SLC6A3: variants seen among roughly 807,000 people sequenced by gnomAD.
SLC6A3 encodes sodium-dependent dopamine transporter.
A neutral mutation model predicts 70.4 loss-of-function variants in SLC6A3; 19 were observed. The observed-to-expected ratio is 0.27, with a 90% CI of 0.19 to 0.40. The LOEUF is 0.40. SLC6A3 is among the 10% of genes least tolerant of loss of function. The pLI is 1.00. For missense variants in SLC6A3, 613 were observed against 838.5 expected (o/e 0.73, Z 3.32); for synonymous variants, 368 against 356.6 (o/e 1.03, Z -0.36).
chr5:1,425,709 A>C (rs1180378689), intron 4 of SLC6A3, among the ~76,000 whole-genome samples: 1 of 152,244 alleles, frequency 6.6e-6, no homozygotes, highest in Non-Finnish European at 1.5e-5. Context: ...TGCTATCAAC[A>C]GAGTAAAAAG....
intron 6 of SLC6A3, among the ~76,000 whole-genome samples, chr5:1,416,818 C>T (rs1295017712): frequency 6.6e-6 from 1 of 151,956 alleles, no homozygotes; most frequent in Admixed American, 6.5e-5. Flanking sequence ...ATGACCGCAG[C>T]GTCCTAATAG....
chr5:1,398,444 A>G (rs1755772872), intron 14 of SLC6A3, among the ~76,000 whole-genome samples: 1 of 152,160 alleles, frequency 6.6e-6, no homozygotes, highest in Admixed American at 6.5e-5. Context: ...GAGTGAACCA[A>G]GAAAAATCAA....
chr5:1,409,983 G>A (rs1264538033), intron 9 of SLC6A3, 134 bp from the exon 10 acceptor site: 1 of 1,126,294 alleles, frequency 8.9e-7, no homozygotes, highest in East Asian at 2.4e-5. Context: ...GCCGTCCAGG[G>A]TGCAGGATGC....
chr5:1,421,747 C>A lies in SLC6A3; in HGVS notation c.792+129G>T. 1 of 1,000,940 alleles carries A rather than the reference C, an allele frequency of 1.0e-6. No individual in the cohort carries two copies. The highest frequency in any genetic ancestry group is 1.6e-6 in the Non-Finnish European group (1 of 632,704). 62.0% of individuals were successfully genotyped at this position (1,000,940 alleles called of 1,614,324 possible). ...ACCATGGCCATGTGTCCACCCCAAC[C>A]TGGCCATGGCCACATTGGTAGCACA... On this transcript the variant is annotated intron_variant, in intron 5 of 14. Coordinates refer to ENST00000270349, the MANE Select transcript of SLC6A3 (RefSeq NM_001044.5). This position sits in a 1 kb window ranked among gnomAD's most constrained non-coding sequence, Gnocchi z 7.2.
Position 1,406,386 on chromosome 5 carries a change from C to G in SLC6A3, c.1499-98G>C. ...CCTCGCTGACTCCCAAGGGCCCCAC[C>G]TACCGGCCCCAGGCTTCGGCTGCAC... is the stretch of plus-strand genomic sequence containing the variant. On this transcript the variant is annotated intron_variant, in intron 11 of 14. Transcript: ENST00000270349. The surrounding 1 kb of genome is among the most constrained non-coding windows in gnomAD (Gnocchi z 8.8). 2 of 1,049,918 alleles carry G rather than the reference C, an allele frequency of 1.9e-6. No individual in the cohort carries two copies. The highest frequency in any genetic ancestry group is 1.7e-5 in the Admixed American group (1 of 58,190). 65.0% of individuals were successfully genotyped at this position (1,049,918 alleles called of 1,614,324 possible). A position where few individuals can be genotyped will look rare whatever the true frequency, so the allele number is the denominator to read the frequency against.
chr5:1,394,274 C>A lies in SLC6A3; in HGVS notation c.*461G>T, dbSNP rs28363168. ...TTCTGCACAGCTAAACCAAGCAGGA[C>A]ACTTGGCTTTTTAATATGGGCAAAG... On this transcript the variant is annotated 3_prime_UTR_variant, in exon 15 of 15. Coordinates refer to ENST00000270349, the MANE Select transcript of SLC6A3 (RefSeq NM_001044.5). The surrounding 1 kb of genome is among the most constrained non-coding windows in gnomAD (Gnocchi z 4.7). 4,044 of 236,328 alleles carry A rather than the reference C, an allele frequency of 0.017. 62 individuals are homozygous for A. Among genetic ancestry groups the A allele is most frequent in the Non-Finnish European group, 0.024 (2,896 of 119,298 alleles). 14.6% of individuals were successfully genotyped at this position (236,328 alleles called of 1,614,324 possible). A position where few individuals can be genotyped will look rare whatever the true frequency, so the allele number is the denominator to read the frequency against.
In SLC6A3 at chr5:1,392,881, G is replaced by C. The variant is rs577341680; in HGVS notation, c.*1854C>G. On this transcript the variant is annotated 3_prime_UTR_variant, in exon 15 of 15. Coordinates refer to ENST00000270349, the MANE Select transcript of SLC6A3 (RefSeq NM_001044.5). The stretch of plus-strand genomic sequence containing the variant: ...GTCAACAGACACGGACAACACCTGG[G>C]TTGCTACACGGAGCCCCTCCCCAGA... 49 of 152,138 alleles carry C rather than the reference G, an allele frequency of 3.2e-4. No individual in the cohort carries two copies. Among genetic ancestry groups the C allele is most frequent in the African/African-American group, 1.1e-3 (44 of 41,324 alleles). 9.4% of individuals were successfully genotyped at this position (152,138 alleles called of 1,614,324 possible).
At chr5:1,420,495 C>T (rs1756407288) in intron 6 of SLC6A3, 74 bp downstream of exon 6, 12 of 1,561,802 alleles carry the variant, frequency 7.7e-6, no homozygotes, top group Non-Finnish European at 1.1e-5. Flanking sequence ...TCAGCCCTGG[C>T]AGGCAATGCA....
At position 1,406,365 on chromosome 5, in the gene SLC6A3, G is replaced by A. The variant is rs1297134904; in HGVS notation, c.1499-77C>T. ...ATGCTGGACACGTGTGGGGGTCCTC[G>A]CTGACTCCCAAGGGCCCCACCTACC... On this transcript the variant is annotated intron_variant, in intron 11 of 14. Coordinates refer to ENST00000270349, the MANE Select transcript of SLC6A3 (RefSeq NM_001044.5). This position sits in a 1 kb window ranked among gnomAD's most constrained non-coding sequence, Gnocchi z 8.8. 15 of 1,268,674 alleles carry A rather than the reference G, an allele frequency of 1.2e-5. No individual in the cohort carries two copies. Among genetic ancestry groups the A allele is most frequent in the South Asian group, 9.5e-5 (8 of 84,316 alleles). 78.6% of individuals were successfully genotyped at this position (1,268,674 alleles called of 1,614,324 possible). A position where few individuals can be genotyped will look rare whatever the true frequency, so the allele number is the denominator to read the frequency against.
Position 1,402,905 on chromosome 5 carries a change from C to G in SLC6A3, c.1767+17G>C, listed in dbSNP as rs199685243. On this transcript the variant is annotated intron_variant, in intron 13 of 14. Coordinates refer to ENST00000270349, the MANE Select transcript of SLC6A3 (RefSeq NM_001044.5). The surrounding 1 kb of genome is among the most constrained non-coding windows in gnomAD (Gnocchi z 8.5). ...TGGCCTCACACTCGGGTGAAGGCGC[C>G]CCGTCCAAATACCCACCTCTCGAAA... 3 of 1,612,166 alleles carry G rather than the reference C, an allele frequency of 1.9e-6. No homozygotes were observed. Among genetic ancestry groups the G allele is most frequent in the Non-Finnish European group, 2.5e-6 (3 of 1,179,852 alleles).
chr5:1,417,301 C>T (rs565225730), intron 6 of SLC6A3, among the ~76,000 whole-genome samples: 43 of 151,228 alleles, frequency 2.8e-4, no homozygotes, highest in Non-Finnish European at 5.5e-4. Flanking sequence ...GGCGCCCTGA[C>T]AACCCTCAGA....
rs1183435668 is a variant in SLC6A3, at chr5:1,421,619, C to T, written c.792+257G>A. 4.0e-5 allele frequency among the ~76,000 whole-genome samples: 6 copies of T among 151,132 alleles called. No individual in the cohort carries two copies. The highest frequency in any genetic ancestry group is 2.1e-4 in the South Asian group (1 of 4,754). On this transcript the variant is annotated intron_variant, in intron 5 of 14. Transcript: ENST00000270349. The surrounding 1 kb of genome is among the most constrained non-coding windows in gnomAD (Gnocchi z 7.2). ...GTGTCCCCCCACCCACCCATGGCCG[C>T]GCGTCTACCCAAGCCAACCCGGCAC...
chr5:1,422,442 C>A (rs1344046748), intron 4 of SLC6A3, among the ~76,000 whole-genome samples: 7 of 146,934 alleles, frequency 4.8e-5, no homozygotes, highest in Non-Finnish European at 1.1e-4. Context: ...GTACCCACCG[C>A]TGCCCACAGT....
At chr5:1,441,230 G>T in intron 3 of SLC6A3, 129 bp downstream of exon 3, 1 of 1,094,334 alleles carries the variant, frequency 9.1e-7, no homozygotes. Flanking sequence ...TTCAAGTGGC[G>T]TGTGCCATGC....
chr5:1,437,425 C>G lies in SLC6A3; in HGVS notation c.418+3934G>C, dbSNP rs1007953862. ...AGGAGAAGAGACAGAACAGGAGAGA[C>G]ACAGAGAGGAAAGGAGGGAGAGAGA... On this transcript the variant is annotated intron_variant, in intron 3 of 14. Transcript: ENST00000270349. The surrounding 1 kb of genome is among the most constrained non-coding windows in gnomAD (Gnocchi z 4.8). 2.0e-5 allele frequency among the ~76,000 whole-genome samples: 3 copies of G among 151,192 alleles called. No homozygotes were observed. The highest frequency in any genetic ancestry group is 4.4e-5 in the Non-Finnish European group (3 of 67,816).
chr5:1,440,567 C>G (rs1029307514), intron 3 of SLC6A3, among the ~76,000 whole-genome samples: 2 of 152,152 alleles, frequency 1.3e-5, no homozygotes, highest in East Asian at 3.8e-4. Flanking sequence ...TCTAACCCCG[C>G]AAACCTCAGA....
Position 1,394,473 on chromosome 5 carries a change from C to T in SLC6A3, c.*262G>A. ...GCATGAAGTTAGACGTTTTTCTGCC[C>T]TGCAGGGACAACAACGGGGTGGACC... On this transcript the variant is annotated 3_prime_UTR_variant, in exon 15 of 15. Transcript: ENST00000270349. The surrounding 1 kb of genome is among the most constrained non-coding windows in gnomAD (Gnocchi z 4.7). 1.7e-6 allele frequency: 1 copy of T among 599,266 alleles called. No homozygotes were observed. The highest frequency in any genetic ancestry group is 2.0e-5 in the South Asian group (1 of 50,876). The allele number at this position is 599,266 out of a possible 1,614,324, so 37.1% of individuals were successfully genotyped here. A position where few individuals can be genotyped will look rare whatever the true frequency, so the allele number is the denominator to read the frequency against.
At chr5:1,415,126 G>A (rs543709054) in intron 7 of SLC6A3, among the ~76,000 whole-genome samples, 1 of 152,168 alleles carries the variant, frequency 6.6e-6, no homozygotes, top group Non-Finnish European at 1.5e-5. Context: ...AGAAGCTCTA[G>A]GAGCACACAC....
At position 1,442,676 on chromosome 5, in the gene SLC6A3, C is replaced by T. The variant is rs908136515; in HGVS notation, c.286+236G>A. On this transcript the variant is annotated intron_variant, in intron 2 of 14. Transcript: ENST00000270349. This position sits in a 1 kb window ranked among gnomAD's most constrained non-coding sequence, Gnocchi z 5.0. The stretch of plus-strand genomic sequence containing the variant: ...CGCCCCCCACCCCCCAGCTTCTTCG[C>T]GGGCCTCCCTTTCCTAAACTCTGAA... Among the ~76,000 whole-genome samples the T allele has an allele frequency of 1.3e-5, 2 of 152,070 alleles. No homozygotes were observed. The highest frequency in any genetic ancestry group is 6.5e-5 in the Admixed American group (1 of 15,274).
Sources: gnomAD v4.1 joint callset for allele counts (sites outside exome capture counted in the v4.1 genomes callset) on GRCh38, gnomAD v4.1.1 for gene constraint, Gnocchi (gnomAD v3.1) non-coding constraint, MANE v1.5 for transcripts, NCBI Gene and HGNC (gene_info 2026-07-23, HGNC 2026-07-21) for gene names.